Variants in TSPAN5 observed in about 807,000 individuals in gnomAD.
The protein encoded by TSPAN5 is tetraspanin 5.
TSPAN5 carries 10 observed loss-of-function variants against 37.1 expected under a neutral mutation model. The ratio of observed to expected loss-of-function variants is 0.27; its 90% confidence interval spans 0.17 to 0.46. The LOEUF (loss-of-function observed/expected upper bound fraction) is 0.46. Among genes scored for constraint, TSPAN5 ranks in the 20% least tolerant of loss-of-function variants. The pLI is 1.00. For synonymous variants in TSPAN5, 110 were observed against 118.9 expected (o/e 0.93, Z 0.48); for missense variants, 195 against 326.6 (o/e 0.60, Z 3.11).
At chr4:98,648,793 C>T (rs901391958) in intron 1 of TSPAN5, among the ~76,000 whole-genome samples, 2 of 152,218 alleles carry the variant, frequency 1.3e-5, no homozygotes, top group Non-Finnish European at 2.9e-5. Flanking sequence ...CCACATCTTC[C>T]CAAGAAAAAC....
rs145860309 is a variant in TSPAN5, at chr4:98,474,348, C to T, written c.742-1761G>A. 3.5e-4 allele frequency among the ~76,000 whole-genome samples: 53 copies of T among 152,212 alleles called. No homozygotes were observed. The Middle Eastern group carries it at 0.014, about 39-fold the overall frequency. On this transcript the variant is annotated intron_variant, in intron 7 of 7. Coordinates refer to ENST00000305798, the MANE Select transcript of TSPAN5 (RefSeq NM_005723.4). ...CAAAAATCAACTGACCATATACGTA[C>T]GAGCTTATTTCATCTTCTTTTTTGA...
In TSPAN5 at chr4:98,608,038, C is replaced by T. The variant is rs532484476; in HGVS notation, c.81+50108G>A. Among the ~76,000 whole-genome samples the T allele has an allele frequency of 2.9e-3, 435 of 152,202 alleles. 3 individuals are homozygous for T. The highest frequency in any genetic ancestry group is 0.01 in the African/African-American group (425 of 41,532). Reference sequence around the variant, plus strand: ...GAAATTTATATATACTATACCTATTCATAAGATGGTATTTTTTCCTGAAGA... The same window carrying T: ...GAAATTTATATATACTATACCTATTTATAAGATGGTATTTTTTCCTGAAGA... On this transcript the variant is annotated intron_variant, in intron 1 of 7. Transcript: ENST00000305798.
chr4:98,522,650 A>T (rs1301427499), intron 1 of TSPAN5, among the ~76,000 whole-genome samples: 3 of 152,362 alleles, frequency 2.0e-5, no homozygotes, highest in South Asian at 4.1e-4. Context: ...TCCATTGATT[A>T]TCATGTGAAA....
chr4:98,539,886 C>G (rs1289797296), intron 1 of TSPAN5, among the ~76,000 whole-genome samples: 1 of 152,172 alleles, frequency 6.6e-6, no homozygotes, highest in Non-Finnish European at 1.5e-5. Flanking sequence ...TGTTCTCTCT[C>G]TCTCTCATCA....
At chr4:98,564,603 G>A (rs910697600) in intron 1 of TSPAN5, among the ~76,000 whole-genome samples, 1 of 152,076 alleles carries the variant, frequency 6.6e-6, no homozygotes, top group Non-Finnish European at 1.5e-5. Flanking sequence ...TTGAAATGAG[G>A]GTAAATAACT....
chr4:98,547,182 T>A (rs1240829393), intron 1 of TSPAN5, among the ~76,000 whole-genome samples: 1 of 152,170 alleles, frequency 6.6e-6, no homozygotes, highest in Non-Finnish European at 1.5e-5. Flanking sequence ...GGGCTTAACA[T>A]CCCACGCGGT....
At chr4:98,567,616 G>A (rs921042548) in intron 1 of TSPAN5, among the ~76,000 whole-genome samples, 1 of 152,150 alleles carries the variant, frequency 6.6e-6, no homozygotes, top group South Asian at 2.1e-4. Context: ...GGATGTAATC[G>A]CAGATGGGTC....
chr4:98,536,066 C>T (rs1324760697), intron 1 of TSPAN5, among the ~76,000 whole-genome samples: 2 of 152,140 alleles, frequency 1.3e-5, no homozygotes, highest in African/African-American at 4.8e-5. Flanking sequence ...CAGTTTTGTT[C>T]CCTTGCTGGT....
chr4:98,550,641 A>G (rs1379184175), intron 1 of TSPAN5, among the ~76,000 whole-genome samples: 1 of 148,638 alleles, frequency 6.7e-6, no homozygotes, highest in Non-Finnish European at 1.5e-5. Context: ...GCTATTATAA[A>G]TGGGGTTGAC....
At chr4:98,497,316 C>CAAAAAAA (rs398051229) in intron 2 of TSPAN5, among the ~76,000 whole-genome samples, 1 of 101,864 alleles carries the variant, frequency 9.8e-6, no homozygotes, top group Non-Finnish European at 2.0e-5. Flanking sequence ...GACTCCATCT[C>CAAAAAAA]AAAAAAAAAA....
intron 1 of TSPAN5, among the ~76,000 whole-genome samples, chr4:98,603,823 T>C (rs1755941401): frequency 6.6e-6 from 1 of 152,210 alleles, no homozygotes; most frequent in South Asian, 2.1e-4. Flanking sequence ...TCTTACTCTC[T>C]GGCTACTTAC....
chr4:98,571,575 C>A (rs1048949340), intron 1 of TSPAN5, among the ~76,000 whole-genome samples: 13 of 146,008 alleles, frequency 8.9e-5, no homozygotes, highest in Admixed American at 3.4e-4. Context: ...TAAAAAAAAA[C>A]CACATACTGT....
intron 1 of TSPAN5, among the ~76,000 whole-genome samples, chr4:98,646,265 G>A (rs1757067148): frequency 6.6e-6 from 1 of 152,102 alleles, no homozygotes; most frequent in African/African-American, 2.4e-5. Context: ...GAAAACCCAA[G>A]TTATCAGGAT....
intron 1 of TSPAN5, among the ~76,000 whole-genome samples, chr4:98,519,156 T>C (rs576981838): frequency 6.7e-4 from 102 of 152,214 alleles, no homozygotes; most frequent in Admixed American, 1.4e-3. Context: ...AGAGACTCTA[T>C]GGACTCAGTG....
intron 1 of TSPAN5, among the ~76,000 whole-genome samples, chr4:98,645,230 C>T (rs1478486707): frequency 6.6e-6 from 1 of 152,152 alleles, no homozygotes; most frequent in African/African-American, 2.4e-5. Context: ...AGAAAAGAGG[C>T]CTCTGACTCA....
At chr4:98,551,643 C>A (rs1754620133) in intron 1 of TSPAN5, among the ~76,000 whole-genome samples, 1 of 139,924 alleles carries the variant, frequency 7.1e-6, no homozygotes, top group African/African-American at 2.7e-5. Context: ...AGGTGGGTAC[C>A]ATCACGCCCA....
chr4:98,513,492 C>T (rs186729530), intron 1 of TSPAN5, among the ~76,000 whole-genome samples: 1 of 152,122 alleles, frequency 6.6e-6, no homozygotes, highest in African/African-American at 2.4e-5. Context: ...GGCTGAAATA[C>T]GGTGAAACGG....
chr4:98,658,046 C>T (rs967746446), intron 1 of TSPAN5, 100 bp downstream of exon 1: 5 of 1,065,874 alleles, frequency 4.7e-6, no homozygotes, highest in Non-Finnish European at 7.3e-6. Flanking sequence ...CGGCAAGCGC[C>T]TGCGGGGCTG....
chr4:98,514,561 T>C (rs1025748596), intron 1 of TSPAN5, among the ~76,000 whole-genome samples: 4 of 152,158 alleles, frequency 2.6e-5, no homozygotes, highest in Admixed American at 6.5e-5. Context: ...CATGGTAAGA[T>C]GGCGTGACTG....
Sources: allele counts gnomAD v4.1 joint callset (sites outside exome capture counted in the v4.1 genomes callset), GRCh38; gene constraint gnomAD v4.1.1; transcripts MANE v1.5; gene names NCBI Gene and HGNC (gene_info 2026-07-23, HGNC 2026-07-21).